ADRA1B: variants seen among roughly 807,000 people sequenced by gnomAD.
ADRA1B encodes adrenoceptor alpha 1B.
ADRA1B carries 17 observed loss-of-function variants against 17.9 expected under a neutral mutation model. The ratio of observed to expected loss-of-function variants is 0.95; its 90% CI spans 0.65 to 1.42. The LOEUF (loss-of-function observed/expected upper bound fraction) is 1.42, where lower values mean the gene tolerates loss of function less well. Ranked by LOEUF, ADRA1B falls within the 40% of genes most tolerant of loss-of-function variation. ADRA1B has a pLI of 0.00. For missense variants in ADRA1B, 681 were observed against 722.1 expected (o/e 0.94, Z 0.65); for synonymous variants, 366 against 327.6 (o/e 1.12, Z -1.27).
chr5:159,947,613 A>T, intron 1 of ADRA1B: 3 of 725,866 alleles, frequency 4.1e-6, no homozygotes, highest in Non-Finnish European at 5.1e-6. Context: ...TTTTTTCAAT[A>T]CACTGGCTTT....
At chr5:159,895,619 T>C (rs1226924025) in intron 1 of ADRA1B, among the ~76,000 whole-genome samples, 1 of 152,176 alleles carries the variant, frequency 6.6e-6, no homozygotes, top group Non-Finnish European at 1.5e-5. Context: ...CGTTTACCTA[T>C]GTAACAAACC....
At chr5:159,927,560 G>T (rs1754694781) in intron 1 of ADRA1B, among the ~76,000 whole-genome samples, 1 of 152,024 alleles carries the variant, frequency 6.6e-6, no homozygotes, top group Non-Finnish European at 1.5e-5. Context: ...AAGACACACT[G>T]GGTCTTTCTG....
At chr5:159,960,904 T>TG (rs1181138923) in intron 1 of ADRA1B, among the ~76,000 whole-genome samples, 1 of 152,222 alleles carries the variant, frequency 6.6e-6, no homozygotes, top group Non-Finnish European at 1.5e-5. Flanking sequence ...TCAGGCACTG[T>TG]GCTAGGTAGG....
In ADRA1B at chr5:159,963,179, A is replaced by AT. The variant is rs531326597; in HGVS notation, c.950-8697dup. Reference sequence around the variant, plus strand: ...CACAGAGAAGGAAAATTCACCCATAATTTCCCCACACTCAAAGATAAGCAC... The same window carrying AT: ...CACAGAGAAGGAAAATTCACCCATAATTTTCCCCACACTCAAAGATAAGCAC... On this transcript the variant is annotated intron_variant, in intron 1 of 1. Transcript: ENST00000306675. 3.3e-3 allele frequency among the ~76,000 whole-genome samples: 493 copies of AT among 149,144 alleles called. 3 individuals are homozygous for AT. Among genetic ancestry groups the AT allele is most frequent in the African/African-American group, 0.012 (481 of 40,650 alleles).
intron 1 of ADRA1B, among the ~76,000 whole-genome samples, chr5:159,950,143 G>A (rs1212865515): frequency 6.6e-6 from 1 of 152,222 alleles, no homozygotes; most frequent in African/African-American, 2.4e-5. Flanking sequence ...GAAGTTTTCT[G>A]TAATAATCCA....
the ADRA1B span, among the ~76,000 whole-genome samples, chr5:159,986,915 TG>T: frequency 6.6e-6 from 1 of 152,136 alleles, no homozygotes; most frequent in African/African-American, 2.4e-5. Context: ...AACACCGAGT[TG>T]GAAAAGCAGC....
chr5:159,930,820 T>C (rs1485181032), intron 1 of ADRA1B, among the ~76,000 whole-genome samples: 1 of 151,892 alleles, frequency 6.6e-6, no homozygotes, highest in Non-Finnish European at 1.5e-5. Context: ...ACTCTATTTG[T>C]GATTAAGAAC....
intron 1 of ADRA1B, among the ~76,000 whole-genome samples, chr5:159,894,088 C>T (rs1222249670): frequency 6.6e-6 from 1 of 152,222 alleles, no homozygotes; most frequent in East Asian, 1.9e-4. Context: ...TCAACAGCTA[C>T]ACCTTGCTGA....
At chr5:159,892,568 A>G (rs1753996972) in intron 1 of ADRA1B, among the ~76,000 whole-genome samples, 1 of 152,136 alleles carries the variant, frequency 6.6e-6, no homozygotes, top group African/African-American at 2.4e-5. Context: ...CCCACTTGTA[A>G]GTGAGAACAT....
chr5:159,950,842 A>G, intron 1 of ADRA1B: 1 of 595,656 alleles, frequency 1.7e-6, no homozygotes, highest in Admixed American at 2.3e-5. Context: ...CTTAGAGATG[A>G]CCCCTACCCA....
At chr5:159,929,466 TA>T (rs1316388720) in intron 1 of ADRA1B, among the ~76,000 whole-genome samples, 17 of 150,002 alleles carry the variant, frequency 1.1e-4, no homozygotes, top group Middle Eastern at 3.4e-3. Flanking sequence ...TTTTTTTTTT[TA>T]AAAAGAGGGT....
chr5:159,879,743 C>G (rs189030505), intron 1 of ADRA1B, among the ~76,000 whole-genome samples: 74 of 152,252 alleles, frequency 4.9e-4, no homozygotes, highest in African/African-American at 1.7e-3. Context: ...CGCATATAAT[C>G]CCAGCACTTT....
chr5:159,896,628 T>C (rs927713603), intron 1 of ADRA1B, among the ~76,000 whole-genome samples: 4 of 152,182 alleles, frequency 2.6e-5, no homozygotes, highest in African/African-American at 9.7e-5. Context: ...GTGAAATGAA[T>C]TGCATGTGAA....
intron 1 of ADRA1B, among the ~76,000 whole-genome samples, chr5:159,931,252 C>T (rs1351433853): frequency 1.3e-5 from 2 of 151,356 alleles, no homozygotes; most frequent in African/African-American, 4.9e-5. Context: ...AAATTAGCCT[C>T]ATGTGGTAGC....
intron 1 of ADRA1B, among the ~76,000 whole-genome samples, chr5:159,890,307 C>G (rs540669408): frequency 3.3e-5 from 5 of 152,184 alleles, no homozygotes; most frequent in Non-Finnish European, 5.9e-5. Flanking sequence ...CAATAGCAGC[C>G]AAGAATTTTC....
intron 1 of ADRA1B, among the ~76,000 whole-genome samples, chr5:159,878,808 C>A (rs1753827750): frequency 6.6e-6 from 1 of 152,176 alleles, no homozygotes; most frequent in Non-Finnish European, 1.5e-5. Flanking sequence ...ACTGTGGGGT[C>A]TTCACACACT....
intron 1 of ADRA1B, among the ~76,000 whole-genome samples, chr5:159,944,317 C>A (rs1755213885): frequency 6.6e-6 from 1 of 152,156 alleles, no homozygotes; most frequent in South Asian, 2.1e-4. Flanking sequence ...TCATTTATTA[C>A]CTGTCTGACC....
chr5:159,912,461 C>T (rs1581027908), upstream of ADRA1B, among the ~76,000 whole-genome samples: 2 of 152,252 alleles, frequency 1.3e-5, no homozygotes, highest in South Asian at 2.1e-4. Context: ...TAAGGTGCTC[C>T]GCTGGGGAAC....
At chr5:159,987,131 A>G in the ADRA1B span, among the ~76,000 whole-genome samples, 1 of 152,198 alleles carries the variant, frequency 6.6e-6, no homozygotes, top group Admixed American at 6.5e-5. Flanking sequence ...TGTTGTAAGA[A>G]GCTGGACGAG....
Sources: allele counts gnomAD v4.1 joint callset (sites outside exome capture counted in the v4.1 genomes callset), GRCh38; gene constraint gnomAD v4.1.1; transcripts MANE v1.5; gene names NCBI Gene and HGNC (gene_info 2026-07-23, HGNC 2026-07-21).